Variants in MAML2 observed in about 807,000 individuals in gnomAD.
The protein encoded by MAML2 is mastermind like transcriptional coactivator 2.
A neutral mutation model predicts 96.1 loss-of-function variants in MAML2; 22 were observed. That is an observed-to-expected ratio of 0.23 (90% CI 0.16 to 0.33). The LOEUF (loss-of-function observed/expected upper bound fraction) is 0.33. MAML2 is among the 10% of genes least tolerant of loss of function. The pLI is 1.00. For missense variants in MAML2, 1,367 were observed against 1,392.4 expected, an observed-to-expected ratio of 0.98 and a Z score of 0.29; for synonymous variants, 561 against 521.3, an observed-to-expected ratio of 1.08 and a Z score of -1.04.
At chr11:96,074,826 A>C (rs916349575) in intron 2 of MAML2, among the ~76,000 whole-genome samples, 6 of 152,226 alleles carry the variant, frequency 3.9e-5, no homozygotes, top group Non-Finnish European at 8.8e-5. Flanking sequence ...CCCTCAGGGA[A>C]GAGCCTTCAC....
intron 1 of MAML2, among the ~76,000 whole-genome samples, chr11:96,198,955 T>G (rs138547544): frequency 6.6e-6 from 1 of 151,688 alleles, no homozygotes; most frequent in Admixed American, 6.6e-5. Context: ...CCCAGCACTT[T>G]GGGAGGCCGA....
intron 1 of MAML2, among the ~76,000 whole-genome samples, chr11:96,156,132 G>T (rs2135883495): frequency 6.6e-6 from 1 of 152,188 alleles, no homozygotes; most frequent in Non-Finnish European, 1.5e-5. Context: ...GTAACCCAGG[G>T]CTTCCATCTG....
intron 2 of MAML2, among the ~76,000 whole-genome samples, chr11:96,051,163 T>C (rs569440327): frequency 6.6e-6 from 1 of 152,296 alleles, no homozygotes; most frequent in East Asian, 1.9e-4. Flanking sequence ...AATTCATCCA[T>C]CCATCTATCC....
At chr11:96,250,115 A>G (rs933240893) in intron 1 of MAML2, among the ~76,000 whole-genome samples, 1 of 152,152 alleles carries the variant, frequency 6.6e-6, no homozygotes, top group Non-Finnish European at 1.5e-5. Flanking sequence ...GCTCTGCATG[A>G]AATTAATCCC....
intron 1 of MAML2, among the ~76,000 whole-genome samples, chr11:96,168,006 T>C (rs933113301): frequency 7.2e-5 from 11 of 152,232 alleles, no homozygotes; most frequent in African/African-American, 2.6e-4. Flanking sequence ...GCTGGGAGGG[T>C]TGCTGCAATA....
chr11:96,146,097 C>T (rs1860813718), intron 1 of MAML2, among the ~76,000 whole-genome samples: 1 of 152,200 alleles, frequency 6.6e-6, no homozygotes, highest in East Asian at 1.9e-4. Flanking sequence ...GGATGATTTT[C>T]AATCTACTCC....
At chr11:96,320,880 A>G (rs1244969945) in intron 1 of MAML2, among the ~76,000 whole-genome samples, 1 of 152,230 alleles carries the variant, frequency 6.6e-6, no homozygotes, top group Non-Finnish European at 1.5e-5. Flanking sequence ...AAGAAAGTCA[A>G]TGTTTTCAAG....
chr11:96,342,848 T>C lies in MAML2; in HGVS notation c.-953A>G, dbSNP rs1039704784. 2 of 331,434 alleles carry C rather than the reference T, an allele frequency of 6.0e-6. No individual in the cohort carries two copies. Among genetic ancestry groups the C allele is most frequent in the Non-Finnish European group, 1.1e-5 (2 of 183,808 alleles). 20.5% of individuals were successfully genotyped at this position (331,434 alleles called of 1,614,324 possible). A position where few individuals can be genotyped will look rare whatever the true frequency, so the allele number is the denominator to read the frequency against. ...TTCCTCACCCCCGGCTCTATTCTAA[T>C]ACAGTATCAAGAGAGACAAACTCTT... On this transcript the variant is annotated 5_prime_UTR_variant, in exon 1 of 5. Transcript: ENST00000524717.
intron 1 of MAML2, among the ~76,000 whole-genome samples, chr11:96,213,306 G>A (rs1184248687): frequency 6.6e-6 from 1 of 152,138 alleles, no homozygotes; most frequent in Non-Finnish European, 1.5e-5. Context: ...CTGCACAACA[G>A]GTAAAGAAAC....
At chr11:96,283,256 T>G (rs1863095571) in intron 1 of MAML2, among the ~76,000 whole-genome samples, 1 of 152,220 alleles carries the variant, frequency 6.6e-6, no homozygotes. Flanking sequence ...ACACCAAAAA[T>G]GCAATTACAG....
At chr11:96,327,927 C>T (rs1433153708) in intron 1 of MAML2, among the ~76,000 whole-genome samples, 1 of 151,922 alleles carries the variant, frequency 6.6e-6, no homozygotes, top group Non-Finnish European at 1.5e-5. Flanking sequence ...GAAACCCCAT[C>T]TCTACTAAAA....
At chr11:96,035,937 T>A (rs1280717945) in intron 2 of MAML2, among the ~76,000 whole-genome samples, 2 of 152,196 alleles carry the variant, frequency 1.3e-5, no homozygotes, top group East Asian at 3.8e-4. Flanking sequence ...AGGGTTAGGA[T>A]ATAGACTCCT....
At chr11:96,082,606 G>A (rs868586225) in intron 2 of MAML2, among the ~76,000 whole-genome samples, 23 of 152,142 alleles carry the variant, frequency 1.5e-4, no homozygotes, top group African/African-American at 5.3e-4. Flanking sequence ...TTGTATCTGG[G>A]GTAAAGCTGC....
chr11:96,341,473 A>T lies in MAML2; in HGVS notation c.423T>A (p.Ser141Arg). Residue 141 changes from serine (S) to arginine (R), a missense_variant, in exon 1 of 5, where the codon AGT (serine) becomes AGA (arginine). Ser to Arg is a moderately radical substitution (Grantham distance 110). Coordinates refer to ENST00000524717, the MANE Select transcript of MAML2 (RefSeq NM_032427.4). ...TCCCACCACTGCCACCATTATTGCT[A>T]CTGTTCAGCAGGTGCTGCTGGTGGT... ...HHHHQQHLLN[S>R]SNNGGSGGIN... 6.4e-7 allele frequency: 1 copy of T among 1,551,170 alleles called. No individual in the cohort carries two copies. Among genetic ancestry groups the T allele is most frequent in the South Asian group, 1.2e-5 (1 of 84,028 alleles).
chr11:96,330,942 G>A (rs1236441326), intron 1 of MAML2, among the ~76,000 whole-genome samples: 2 of 152,102 alleles, frequency 1.3e-5, no homozygotes, highest in Non-Finnish European at 2.9e-5. Flanking sequence ...ACAAAGGGGC[G>A]TGTGGGGTGG....
At chr11:96,020,052 G>A (rs1376624693) in intron 2 of MAML2, among the ~76,000 whole-genome samples, 2 of 152,172 alleles carry the variant, frequency 1.3e-5, no homozygotes, top group African/African-American at 2.4e-5. Context: ...CATGGTCAAT[G>A]TTGGAGGTGC....
intron 1 of MAML2, among the ~76,000 whole-genome samples, chr11:96,309,856 CGCCCA>C (rs1863513325): frequency 6.6e-6 from 1 of 151,950 alleles, no homozygotes; most frequent in Non-Finnish European, 1.5e-5. Flanking sequence ...CATGCCACCA[CGCCCA>C]GCTAATTTAT....
intron 1 of MAML2, among the ~76,000 whole-genome samples, chr11:96,296,825 A>G (rs534973338): frequency 1.1e-4 from 17 of 152,192 alleles, no homozygotes; most frequent in Non-Finnish European, 2.2e-4. Context: ...AAAGTATCCT[A>G]GATATCTGAA....
At chr11:96,171,148 A>C (rs567620251) in intron 1 of MAML2, among the ~76,000 whole-genome samples, 2 of 151,822 alleles carry the variant, frequency 1.3e-5, no homozygotes, top group Admixed American at 1.3e-4. Context: ...AAGGTAATTG[A>C]TGGTGGGACC....
Sources: allele counts gnomAD v4.1 joint callset (sites outside exome capture counted in the v4.1 genomes callset), GRCh38; gene constraint gnomAD v4.1.1; transcripts MANE v1.5; gene names NCBI Gene and HGNC (gene_info 2026-07-23, HGNC 2026-07-21).